Variants in CYP2F1 observed in about 807,000 individuals in gnomAD.
CYP2F1 encodes cytochrome P450 2F1.
A neutral mutation model predicts 40.4 loss-of-function variants in CYP2F1; 33 were observed. That is an observed-to-expected ratio of 0.82 (90% CI 0.62 to 1.09). The LOEUF is 1.09. CYP2F1 is among the 50% of genes least tolerant of loss of function. The probability of loss-of-function intolerance (pLI) is 0.00; values close to 1 mark genes in which losing one functional copy is unlikely to be tolerated. For missense variants in CYP2F1, 566 were observed against 655.7 expected, an observed-to-expected ratio of 0.86 and a Z score of 1.49; for synonymous variants, 235 against 277.2, an observed-to-expected ratio of 0.85 and a Z score of 1.51.
At chr19:41,122,221 G>A in intron 6 of CYP2F1, 88 bp downstream of exon 6, 2 of 1,255,592 alleles carry the variant, frequency 1.6e-6, no homozygotes. Context: ...CCCAGATGGG[G>A]CAGGGTTGGG....
intron 2 of CYP2F1, 30 bp downstream of exon 2, chr19:41,116,389 G>A (rs377017877): frequency 1.4e-4 from 231 of 1,611,250 alleles, no homozygotes; most frequent in Admixed American, 2.5e-4. Context: ...GGTGATGGTG[G>A]AAGGATAAGG....
chr19:41,125,422 A>T lies in CYP2F1; in HGVS notation c.1153-71A>T, dbSNP rs1053883385. On this transcript the variant is annotated intron_variant, in intron 8 of 9. Transcript: ENST00000331105. Reference sequence around the variant, plus strand: ...TCAAGTCCCCAGGACACCCAGCCCAATACAATGGAAAGGAGTTTGGGAGCC... The same window carrying T: ...TCAAGTCCCCAGGACACCCAGCCCATTACAATGGAAAGGAGTTTGGGAGCC... The T allele has an allele frequency of 6.2e-6, 5 of 811,868 alleles. No homozygotes were observed. The African/African-American group carries it at 9.1e-5, about 15-fold the overall frequency. 50.3% of individuals were successfully genotyped at this position (811,868 alleles called of 1,614,324 possible).
Position 41,125,396 on chromosome 19 carries a change from A to T in CYP2F1, c.1153-97A>T, listed in dbSNP as rs1231073752. On this transcript the variant is annotated intron_variant, in intron 8 of 9. Transcript: ENST00000331105. ...CTATACCCACCTATACCCACCCCTT[A>T]TCAAGTCCCCAGGACACCCAGCCCA... The T allele has an allele frequency of 7.6e-6, 5 of 654,840 alleles. No homozygotes were observed. The African/African-American group carries it at 9.6e-5, about 13-fold the overall frequency. The allele number at this position is 654,840 out of a possible 1,614,324, so 40.6% of individuals were successfully genotyped here. A position where few individuals can be genotyped will look rare whatever the true frequency, so the allele number is the denominator to read the frequency against.
In CYP2F1 at chr19:41,122,943, T is replaced by A; in HGVS notation, c.944T>A (p.Met315Lys). The change falls in exon 7 of 10, where the codon ATG becomes AAG. Residue 315 changes from methionine to lysine, a missense_variant. Around this residue, in one of 5 missense-constraint regions of CYP2F1, gnomAD observed 128 missense variants for 121.0 expected, o/e 1.06. Transcript: ENST00000331105. ...TTLHHAFLALMKYPKVQARVQ... is the reference protein window; with the variant it reads ...TTLHHAFLALKKYPKVQARVQ... ...CTGCACCACGCCTTCCTGGCACTCA[T>A]GAAGTACCCAAAAGTTCAAGGTGAG... The A allele has an allele frequency of 6.2e-7, 1 of 1,613,230 alleles. No homozygotes were observed. The highest frequency in any genetic ancestry group is 8.5e-7 in the Non-Finnish European group (1 of 1,179,624).
intron 7 of CYP2F1, among the ~76,000 whole-genome samples, chr19:41,124,425 A>G (rs1397489111): frequency 2.0e-5 from 3 of 151,410 alleles, no homozygotes; most frequent in African/African-American, 7.3e-5. Context: ...CACCAAGCCC[A>G]GCTAATTTTT....
intron 7 of CYP2F1, 170 bp downstream of exon 7, chr19:41,123,133 T>C (rs1156245364): frequency 6.6e-6 from 5 of 759,540 alleles, no homozygotes; most frequent in African/African-American, 5.1e-5. Context: ...ACATGGCCCA[T>C]GAGGTCCATG....
In CYP2F1 at chr19:41,128,052, G is replaced by C. The variant is rs1568384023; in HGVS notation, c.1446G>C (p.Arg482=). Residue 482 remains arginine, a synonymous_variant, in exon 10 of 10, where the codon CGG becomes CGC. Coordinates refer to ENST00000331105, the MANE Select transcript of CYP2F1 (RefSeq NM_000774.5). ...PLSSGLGNLP[R]PFQLCLRPR ...GCTCAGGTCTTGGCAATTTGCCGCG[G>C]CCTTTCCAGCTGTGCCTGCGCCCGC... 6.2e-7 allele frequency: 1 copy of C among 1,609,508 alleles called. No homozygotes were observed.
chr19:41,121,314 T>G, intron 4 of CYP2F1, 144 bp from the exon 5 acceptor site: 1 of 828,322 alleles, frequency 1.2e-6, no homozygotes, highest in East Asian at 2.6e-5. Context: ...TTAAGCAGCA[T>G]GTTGTGACCA....
rs1555720790 is a variant in CYP2F1 at position 41,124,253 on chromosome 19, C to CCCT, written c.965-465_965-463dup. On this transcript the variant is annotated intron_variant, in intron 7 of 9. Transcript: ENST00000331105. ...TTTTTTTTTTTTCCTCTTCCCCCCC[C>CCCT]CCTTTTTTTTTTTTTTTTTTTTTTT... Among the ~76,000 whole-genome samples the CCCT allele has an allele frequency of 8.4e-4, 78 of 93,186 alleles. 2 individuals are homozygous for CCCT. The highest frequency in any genetic ancestry group is 3.3e-3 in the African/African-American group (65 of 19,872). The allele number at this position is 93,186 out of a possible 152,430, so 61.1% of individuals were successfully genotyped here.
rs113512828 is a variant in CYP2F1, at chr19:41,121,328, C to G, written c.485-130C>G. On this transcript the variant is annotated intron_variant, in intron 4 of 9. Transcript: ENST00000331105. ...GTTAAGCAGCATGTTGTGACCATGT[C>G]CCCGTGTTTGCACCGTAAGACACGT... 2,361 of 922,142 alleles carry G rather than the reference C, an allele frequency of 2.6e-3. 206 individuals are homozygous for G. The African/African-American group carries it at 0.041, about 16-fold the overall frequency. The allele number at this position is 922,142 out of a possible 1,614,324, so 57.1% of individuals were successfully genotyped here.
chr19:41,116,987 G>C (rs2031854797), intron 3 of CYP2F1, among the ~76,000 whole-genome samples: 2 of 151,694 alleles, frequency 1.3e-5, no homozygotes. Context: ...CCTTTCCCCA[G>C]TGTTCACCAC....
rs1321243908 is a variant in CYP2F1 at position 41,120,454 on chromosome 19, G to A, written c.442G>A (p.Glu148Lys). ...GKRSIEERIL[E>K]EGSFLLAELR... The stretch of plus-strand genomic sequence containing the variant: ...GAGAAGCATTGAGGAGCGAATCCTA[G>A]AGGAGGGCAGCTTCCTGCTGGCGGA... Residue 148 changes from glutamate to lysine, a missense_variant, in exon 4 of 10, where the codon GAG (glutamate) becomes AAG (lysine). Around this residue, in one of 5 missense-constraint regions of CYP2F1, gnomAD observed 264 missense variants for 275.7 expected, o/e 0.96. Coordinates refer to ENST00000331105, the MANE Select transcript of CYP2F1 (RefSeq NM_000774.5). 1 of 1,614,028 alleles carries A rather than the reference G, an allele frequency of 6.2e-7. No homozygotes were observed. Among genetic ancestry groups the A allele is most frequent in the Non-Finnish European group, 8.5e-7 (1 of 1,179,958 alleles).
chr19:41,127,917 G>A lies in CYP2F1; in HGVS notation c.1311G>A (p.Leu437=). ...MPFSAGRRLC[L]GESLARMELF... is the part of the protein sequence containing the mutation. ...CCCCTGCAGGGCGCCGTCTGTGCCTGGGAGAGTCGCTGGCGCGCATGGAGC... is the reference window on the plus strand; with the variant it reads ...CCCCTGCAGGGCGCCGTCTGTGCCTAGGAGAGTCGCTGGCGCGCATGGAGC... Residue 437 remains leucine, a synonymous_variant, in exon 10 of 10, where the codon CTG becomes CTA. Transcript: ENST00000331105. 1 of 1,612,368 alleles carries A rather than the reference G, an allele frequency of 6.2e-7. No homozygotes were observed. The highest frequency in any genetic ancestry group is 8.5e-7 in the Non-Finnish European group (1 of 1,179,578).
Position 41,121,952 on chromosome 19 carries a change from C to A in CYP2F1, c.646-5C>A, listed in dbSNP as rs780840460. On this transcript the variant is annotated splice_region_variant and splice_polypyrimidine_tract_variant and intron_variant, in intron 5 of 9. Transcript: ENST00000331105. ...CAAAACCCTCCTACTCTGTCTGGTC[C>A]CCAGTTGTACGACATCTTCCCGAGC... 5 of 1,612,694 alleles carry A rather than the reference C, an allele frequency of 3.1e-6. No homozygotes were observed. In the Admixed American group the frequency reaches 6.7e-5, roughly 22 times the overall value.
chr19:41,116,282 C>G lies in CYP2F1; in HGVS notation c.94C>G (p.Pro32Ala). The G allele has an allele frequency of 6.2e-7, 1 of 1,614,104 alleles. No individual in the cohort carries two copies. Among genetic ancestry groups the G allele is most frequent in the Non-Finnish European group, 8.5e-7 (1 of 1,179,998 alleles). The change falls in exon 2 of 10, where the codon CCG becomes GCG. Residue 32 changes from proline (P) to alanine (A), a missense_variant. Coordinates refer to ENST00000331105, the MANE Select transcript of CYP2F1 (RefSeq NM_000774.5). ...LSSRDKGKLPPGPRPLSILGN... is the reference protein window; with the variant it reads ...LSSRDKGKLPAGPRPLSILGN... ...CTCAAGAGATAAGGGAAAGCTGCCT[C>G]CGGGACCCAGACCCCTCTCAATCCT... is the stretch of plus-strand genomic sequence containing the variant.
Position 41,116,163 on chromosome 19 carries a change from T to C in CYP2F1, c.-11-15T>C. 1 of 1,603,210 alleles carries C rather than the reference T, an allele frequency of 6.2e-7. No individual in the cohort carries two copies. The highest frequency in any genetic ancestry group is 8.5e-7 in the Non-Finnish European group (1 of 1,174,142). ...AGCGATGTCCTCTCCCACTTTGCCC[T>C]CCACACGCCAGCAGCTGCCTTCACC... On this transcript the variant is annotated splice_polypyrimidine_tract_variant and intron_variant, in intron 1 of 9. Transcript: ENST00000331105.
chr19:41,121,743 C>T (rs1281244780), intron 5 of CYP2F1, 125 bp downstream of exon 5: 1 of 1,029,742 alleles, frequency 9.7e-7, no homozygotes, highest in African/African-American at 1.8e-5. Flanking sequence ...CCCATCTGAC[C>T]CCACCCAGAG....
chr19:41,116,082 C>G, intron 1 of CYP2F1, 96 bp from the exon 2 acceptor site: 1 of 1,210,746 alleles, frequency 8.3e-7, no homozygotes, highest in Non-Finnish European at 1.1e-6. Context: ...CTCCATCTGC[C>G]TTCATTTCCA....
chr19:41,124,587 C>T (rs761551246), intron 7 of CYP2F1, 132 bp from the exon 8 acceptor site: 6 of 821,346 alleles, frequency 7.3e-6, no homozygotes, highest in Non-Finnish European at 1.1e-5. Flanking sequence ...CTCACGTGCG[C>T]CCCAGCAGTG....
Sources: gnomAD v4.1 joint callset for allele counts (sites outside exome capture counted in the v4.1 genomes callset) on GRCh38, gnomAD v4.1.1 for gene constraint, gnomAD v4.1.1 regional missense constraint, MANE v1.5 for transcripts, NCBI Gene and HGNC (gene_info 2026-07-23, HGNC 2026-07-21) for gene names.